Variants in RASGRF2 observed in about 807,000 individuals in gnomAD.
RASGRF2 encodes ras-specific guanine nucleotide-releasing factor 2.
RASGRF2 carries 76 observed loss-of-function variants against 151.0 expected under a neutral mutation model. That is an observed-to-expected ratio of 0.50 (90% confidence interval 0.42 to 0.61). RASGRF2 has a LOEUF of 0.61. Among genes scored for constraint, RASGRF2 ranks in the 20% least tolerant of loss-of-function variants. RASGRF2 has a pLI of 0.00. For missense variants in RASGRF2, 1,148 were observed against 1,564.6 expected, an observed-to-expected ratio of 0.73 and a Z score of 4.49; for synonymous variants, 504 against 566.5, an observed-to-expected ratio of 0.89 and a Z score of 1.57.
chr5:80,996,505 C>CCTCCTCTTCTTCTTCTTCTTCTTCT (rs1748871547), intron 1 of RASGRF2, among the ~76,000 whole-genome samples: 1 of 47,778 alleles, frequency 2.1e-5, no homozygotes, highest in African/African-American at 9.8e-5. Context: ...CTTCTTCTTC[C>CCTCCTCTTCTTCTTCTTCTTCTTCT]TCCTCCTCCT....
chr5:81,082,996 A>G (rs115645887), intron 7 of RASGRF2, among the ~76,000 whole-genome samples: 254 of 152,308 alleles, frequency 1.7e-3, no homozygotes, highest in African/African-American at 5.9e-3. Flanking sequence ...CTCACTCTTC[A>G]TCCTTCTCTC....
intron 5 of RASGRF2, among the ~76,000 whole-genome samples, chr5:81,076,617 G>A (rs1751946650): frequency 6.6e-6 from 1 of 150,890 alleles, no homozygotes; most frequent in African/African-American, 2.4e-5. Flanking sequence ...AGTTGGAGAA[G>A]AGAGAAAGAG....
chr5:81,010,901 C>G (rs985965650), intron 1 of RASGRF2, among the ~76,000 whole-genome samples: 1 of 152,114 alleles, frequency 6.6e-6, no homozygotes, highest in Non-Finnish European at 1.5e-5. Context: ...GTATATTTTT[C>G]TACTTCTAAA....
chr5:80,974,074 G>A (rs1400095048), intron 1 of RASGRF2, among the ~76,000 whole-genome samples: 1 of 152,202 alleles, frequency 6.6e-6, no homozygotes, highest in African/African-American at 2.4e-5. Context: ...TTTGGCAGGA[G>A]TCACAAGTCT....
chr5:81,041,434 C>T (rs1201719270), intron 1 of RASGRF2, among the ~76,000 whole-genome samples: 1 of 152,140 alleles, frequency 6.6e-6, no homozygotes, highest in Non-Finnish European at 1.5e-5. Flanking sequence ...TAATTCAAAG[C>T]ACACTCTAAA....
intron 5 of RASGRF2, among the ~76,000 whole-genome samples, chr5:81,073,772 C>T (rs986184151): frequency 2.6e-5 from 4 of 152,294 alleles, no homozygotes; most frequent in African/African-American, 9.6e-5. Context: ...GCGCCCACCA[C>T]CACACCTGGC....
chr5:80,969,534 C>T (rs188148893), intron 1 of RASGRF2, among the ~76,000 whole-genome samples: 227 of 151,578 alleles, frequency 1.5e-3, no homozygotes, highest in Middle Eastern at 0.01. Flanking sequence ...CTGCAAGCTC[C>T]GCCTCCAGGG....
intron 22 of RASGRF2, among the ~76,000 whole-genome samples, chr5:81,208,869 A>G (rs970101343): frequency 3.3e-5 from 5 of 152,108 alleles, no homozygotes; most frequent in Non-Finnish European, 7.4e-5. Context: ...ACTTTTAAAC[A>G]GAATTGATGG....
At chr5:80,971,567 A>T (rs866431744) in intron 1 of RASGRF2, among the ~76,000 whole-genome samples, 3 of 131,272 alleles carry the variant, frequency 2.3e-5, no homozygotes, top group African/African-American at 5.6e-5. Context: ...CACACCTGGT[A>T]TTTTTTTTTT....
intron 1 of RASGRF2, among the ~76,000 whole-genome samples, chr5:80,966,947 C>G (rs1481065287): frequency 6.6e-6 from 1 of 152,068 alleles, no homozygotes; most frequent in Non-Finnish European, 1.5e-5. Context: ...TGTTAAAAAA[C>G]TGTAAAGCAA....
chr5:81,104,505 T>C (rs1054801745), intron 12 of RASGRF2, among the ~76,000 whole-genome samples: 3 of 152,130 alleles, frequency 2.0e-5, no homozygotes, highest in African/African-American at 7.2e-5. Context: ...TTTGTGATAA[T>C]TTTCAGTGTA....
chr5:81,031,809 C>G (rs1750261051), intron 1 of RASGRF2, among the ~76,000 whole-genome samples: 1 of 152,024 alleles, frequency 6.6e-6, no homozygotes, highest in African/African-American at 2.4e-5. Context: ...CAGAGCAGAA[C>G]TGAAGGAGAT....
intron 18 of RASGRF2, among the ~76,000 whole-genome samples, chr5:81,198,746 T>A (rs1459746240): frequency 6.6e-6 from 1 of 152,228 alleles, no homozygotes; most frequent in Non-Finnish European, 1.5e-5. Flanking sequence ...GCCCATGATT[T>A]CGTTTTTTAA....
At chr5:81,100,276 AT>A (rs1272087103) in intron 12 of RASGRF2, among the ~76,000 whole-genome samples, 1 of 152,122 alleles carries the variant, frequency 6.6e-6, no homozygotes, top group African/African-American at 2.4e-5. Flanking sequence ...GTATTGTATT[AT>A]ACTAATCATA....
intron 1 of RASGRF2, among the ~76,000 whole-genome samples, chr5:80,969,250 C>T (rs1314773144): frequency 6.6e-6 from 1 of 150,582 alleles, no homozygotes; most frequent in Non-Finnish European, 1.5e-5. Context: ...CCTGTGTAAG[C>T]CTCCTGAGTA....
chr5:81,161,766 A>G (rs749269447), intron 17 of RASGRF2, among the ~76,000 whole-genome samples: 43 of 152,132 alleles, frequency 2.8e-4, no homozygotes, highest in Non-Finnish European at 8.8e-5. Context: ...TTAGTGTGCA[A>G]ATGATTTGAT....
At chr5:81,207,147 T>TTCCACA in intron 20 of RASGRF2, 99 bp from the exon 21 acceptor site, 1 of 1,030,214 alleles carries the variant, frequency 9.7e-7, no homozygotes. Context: ...GTGGTGAACT[T>TTCCACA]CATGCTTCCA....
intron 22 of RASGRF2, 148 bp downstream of exon 22, chr5:81,208,586 C>G: frequency 7.5e-6 from 4 of 536,000 alleles, no homozygotes; most frequent in South Asian, 4.6e-5. Flanking sequence ...GAGTCTCGCT[C>G]TGTCGCCCAG....
intron 14 of RASGRF2, chr5:81,113,267 G>C (rs1753051851): frequency 3.8e-6 from 2 of 532,322 alleles, no homozygotes; most frequent in Middle Eastern, 4.9e-4. Context: ...TGTGGAGCCT[G>C]AGTTCTGAAC....
Sources: allele counts gnomAD v4.1 joint callset (sites outside exome capture counted in the v4.1 genomes callset), GRCh38; gene constraint gnomAD v4.1.1; transcripts MANE v1.5; gene names NCBI Gene and HGNC (gene_info 2026-07-23, HGNC 2026-07-21).